The following COA1 variants were observed in gnomAD, a reference collection of about 807,000 sequenced individuals.
The protein encoded by COA1 is cytochrome c oxidase assembly factor 1, also known as cytochrome c oxidase assembly factor 1 homolog.
COA1 carries 13 observed loss-of-function variants against 16.0 expected under a neutral mutation model. The ratio of observed to expected loss-of-function variants is 0.81; its 90% confidence interval spans 0.53 to 1.29. The LOEUF (loss-of-function observed/expected upper bound fraction) is 1.29. Ranked by LOEUF, COA1 falls within the 50% of genes most tolerant of loss-of-function variation. The pLI, the probability that COA1 is intolerant of heterozygous loss-of-function variation, is 0.00. For missense variants in COA1, 179 were observed against 177.0 expected (o/e 1.01, Z -0.06); for synonymous variants, 65 against 65.7 (o/e 0.99, Z 0.05).
At chr7:43,689,315 T>C (rs1330355563) in intron 1 of COA1, among the ~76,000 whole-genome samples, 1 of 152,148 alleles carries the variant, frequency 6.6e-6, no homozygotes, top group Non-Finnish European at 1.5e-5. Context: ...CATTCAACCA[T>C]GTAAATGTAT....
At chr7:43,651,976 AAC>A (rs935460267) in intron 1 of COA1, among the ~76,000 whole-genome samples, 30 of 152,210 alleles carry the variant, frequency 2.0e-4, no homozygotes, top group Admixed American at 1.9e-3. Flanking sequence ...CAGCCTGGGC[AAC>A]AGAGCGAGGC....
intron 1 of COA1, among the ~76,000 whole-genome samples, chr7:43,668,985 T>C (rs1412027004): frequency 4.6e-5 from 7 of 152,190 alleles, no homozygotes; most frequent in Non-Finnish European, 8.8e-5. Flanking sequence ...TACTCAATAC[T>C]ATAACTTGAA....
At chr7:43,644,965 A>G (rs1394550185) in intron 4 of COA1, among the ~76,000 whole-genome samples, 2 of 152,042 alleles carry the variant, frequency 1.3e-5, no homozygotes, top group Non-Finnish European at 2.9e-5. Context: ...TCATTTCTCT[A>G]CTACCTTCAA....
In COA1 at chr7:43,713,576, A is replaced by G. The variant is rs117013759; in HGVS notation, c.-39+15853T>C. On this transcript the variant is annotated intron_variant, in intron 1 of 5. Coordinates refer to ENST00000223336, the MANE Select transcript of COA1 (RefSeq NM_018224.4). ...TCATCTTCATCTCATCTCTCTGAAT[A>G]TATCTGTAATTGGGGTAGGAGATTG... is the stretch of plus-strand genomic sequence containing the variant. 4.3e-3 allele frequency among the ~76,000 whole-genome samples: 657 copies of G among 152,234 alleles called. 3 individuals are homozygous for G. Among genetic ancestry groups the G allele is most frequent in the Admixed American group, 0.01 (157 of 15,298 alleles).
At chr7:43,623,361 ATGG>A in intron 6 of COA1, 1 of 527,900 alleles carries the variant, frequency 1.9e-6, no homozygotes, top group South Asian at 2.6e-5. Flanking sequence ...GGACTCAACA[ATGG>A]TGGGTAGAAG....
chr7:43,639,704 T>C (rs777505763), intron 5 of COA1, 23 bp from the exon 6 acceptor site: 1 of 1,583,562 alleles, frequency 6.3e-7, no homozygotes, highest in Non-Finnish European at 8.7e-7. Context: ...AAAAGTATAG[T>C]ATCTCTAATC....
At chr7:43,672,113 G>A (rs556925890) in intron 1 of COA1, among the ~76,000 whole-genome samples, 5 of 152,058 alleles carry the variant, frequency 3.3e-5, no homozygotes, top group Non-Finnish European at 7.4e-5. Flanking sequence ...GAGCTAGTAT[G>A]GAACAATACT....
At chr7:43,659,635 C>T (rs1384347578) in intron 1 of COA1, among the ~76,000 whole-genome samples, 2 of 152,270 alleles carry the variant, frequency 1.3e-5, no homozygotes, top group South Asian at 2.1e-4. Flanking sequence ...AATTTGGTAT[C>T]AGTGACTACA....
At chr7:43,673,048 T>TAA (rs949231753) in intron 1 of COA1, among the ~76,000 whole-genome samples, 1 of 151,984 alleles carries the variant, frequency 6.6e-6, no homozygotes, top group African/African-American at 2.4e-5. Flanking sequence ...ATGTAAAACC[T>TAA]AAAACTAAAA....
intron 1 of COA1, among the ~76,000 whole-genome samples, chr7:43,650,975 T>G (rs1386715490): frequency 6.6e-6 from 1 of 151,580 alleles, no homozygotes; most frequent in East Asian, 1.9e-4. Flanking sequence ...GGTTCAGGGG[T>G]CAGTGGGGGG....
At chr7:43,684,465 G>T (rs1015255556) in intron 1 of COA1, among the ~76,000 whole-genome samples, 1 of 152,154 alleles carries the variant, frequency 6.6e-6, no homozygotes, top group Non-Finnish European at 1.5e-5. Flanking sequence ...CCAAAAGCAA[G>T]TGTCCCAGAA....
chr7:43,681,387 C>T (rs1224900008), intron 1 of COA1, among the ~76,000 whole-genome samples: 2 of 152,098 alleles, frequency 1.3e-5, no homozygotes, highest in Admixed American at 1.3e-4. Flanking sequence ...TGCTCTGTTA[C>T]TAAGAATAAA....
Position 43,647,544 on chromosome 7 carries a change from G to T in COA1, c.106C>A (p.Leu36Ile). 6.2e-7 allele frequency: 1 copy of T among 1,612,046 alleles called. No individual in the cohort carries two copies. Among genetic ancestry groups the T allele is most frequent in the Non-Finnish European group, 8.5e-7 (1 of 1,178,026 alleles). ...YAGGFAIVYY[L>I]IQKFHSRALY... The stretch of plus-strand genomic sequence containing the variant: ...CTAGCAGGATACTTACTTTGAATGA[G>T]GTAATACACAATGGCAAAGCCCCCG... Residue 36 changes from leucine to isoleucine, a missense_variant, in exon 3 of 6, where the codon CTC becomes ATC. By Grantham distance (5) the Leu-to-Ile change is conservative. Transcript: ENST00000223336.
chr7:43,661,064 C>T (rs2092373321), intron 1 of COA1, among the ~76,000 whole-genome samples: 1 of 152,206 alleles, frequency 6.6e-6, no homozygotes, highest in African/African-American at 2.4e-5. Flanking sequence ...TAAGTCTCAG[C>T]TCAAATGCTA....
intron 1 of COA1, among the ~76,000 whole-genome samples, chr7:43,689,777 T>A (rs1404429645): frequency 1.3e-5 from 2 of 152,196 alleles, no homozygotes; most frequent in Non-Finnish European, 2.9e-5. Context: ...TATGTTGTTG[T>A]AAGGTTCTTG....
At chr7:43,612,096 C>T (rs2082931949) in intron 6 of COA1, among the ~76,000 whole-genome samples, 3 of 152,166 alleles carry the variant, frequency 2.0e-5, no homozygotes, top group Admixed American at 2.0e-4. Context: ...CTCTCTAATA[C>T]ACTTGGTTTA....
At chr7:43,722,429 T>C (rs1006024805) in intron 1 of COA1, among the ~76,000 whole-genome samples, 2 of 151,396 alleles carry the variant, frequency 1.3e-5, no homozygotes, top group African/African-American at 4.9e-5. Flanking sequence ...AACGAGAGTC[T>C]CGTTCTATCG....
intron 1 of COA1, among the ~76,000 whole-genome samples, chr7:43,724,548 C>T (rs1328051885): frequency 1.3e-5 from 2 of 148,184 alleles, no homozygotes; most frequent in African/African-American, 4.9e-5. Context: ...AAGACTCCAT[C>T]TCAAAGAAAA....
intron 1 of COA1, among the ~76,000 whole-genome samples, chr7:43,664,130 A>AGAGAGT (rs1307866265): frequency 7.4e-5 from 11 of 148,504 alleles, no homozygotes; most frequent in African/African-American, 2.7e-4. Flanking sequence ...AGAGAGAGAG[A>AGAGAGT]GTCTTGCTAT....
Sources: allele counts gnomAD v4.1 joint callset (sites outside exome capture counted in the v4.1 genomes callset), GRCh38; gene constraint gnomAD v4.1.1; transcripts MANE v1.5; gene names NCBI Gene and HGNC (gene_info 2026-07-23, HGNC 2026-07-21).